The following ARHGAP42 variants were observed in gnomAD, a reference collection of about 807,000 sequenced individuals.
The protein encoded by ARHGAP42 is Rho GTPase activating protein 42.
In ARHGAP42, 63 loss-of-function variants were observed where a neutral mutation model predicts 125.0. That is an observed-to-expected ratio of 0.50 (90% CI 0.41 to 0.62). The LOEUF (loss-of-function observed/expected upper bound fraction) is 0.62. ARHGAP42 is among the 20% of genes least tolerant of loss of function. The pLI is 0.00. For missense variants in ARHGAP42, 766 were observed against 1,024.2 expected (o/e 0.75, Z 3.44); for synonymous variants, 339 against 351.0 (o/e 0.97, Z 0.38).
intron 2 of ARHGAP42, among the ~76,000 whole-genome samples, chr11:100,782,704 A>G (rs942167151): frequency 2.0e-5 from 3 of 152,154 alleles, no homozygotes; most frequent in African/African-American, 7.2e-5. Context: ...TTTCTTTGTC[A>G]AGGATAGAAT....
rs142021301 is a variant in ARHGAP42, at chr11:100,693,357, C to T, written c.154+5525C>T. ...AATGAGCAGAAGTAATTGCATCTTT[C>T]AGATGAGCTGTAATTAATTTTAGGA... On this transcript the variant is annotated intron_variant, in intron 1 of 23. Transcript: ENST00000298815. Among the ~76,000 whole-genome samples the T allele has an allele frequency of 1.6e-4, 25 of 152,236 alleles. 1 individual carries two copies. In the East Asian group the frequency reaches 4.8e-3, roughly 29 times the overall value.
At chr11:100,921,754 G>A (rs1341960831) in intron 6 of ARHGAP42, 150 bp downstream of exon 6, 2 of 568,032 alleles carry the variant, frequency 3.5e-6, no homozygotes, top group African/African-American at 1.9e-5. Flanking sequence ...GTGGAGCACA[G>A]GGAACTTGTA....
intron 5 of ARHGAP42, among the ~76,000 whole-genome samples, chr11:100,918,685 C>T (rs1450474926): frequency 3.3e-5 from 5 of 152,168 alleles, no homozygotes; most frequent in African/African-American, 1.2e-4. Context: ...ATATCTTGTA[C>T]TGTAAAGAAA....
At chr11:100,816,883 G>A (rs1181543282) in intron 3 of ARHGAP42, 3 of 152,184 alleles carry the variant, frequency 2.0e-5, no homozygotes, top group Admixed American at 2.0e-4. Flanking sequence ...AGGCAGCTTT[G>A]TGGGGTCTGC....
intron 2 of ARHGAP42, among the ~76,000 whole-genome samples, chr11:100,776,898 A>G (rs1317772204): frequency 6.6e-6 from 1 of 150,558 alleles, no homozygotes; most frequent in Non-Finnish European, 1.5e-5. Context: ...CAGGAGAACC[A>G]CTTGAACCCG....
intron 3 of ARHGAP42, among the ~76,000 whole-genome samples, chr11:100,853,918 A>G (rs1865263994): frequency 6.6e-6 from 1 of 151,928 alleles, no homozygotes; most frequent in African/African-American, 2.4e-5. Flanking sequence ...TTCATTGAAA[A>G]AAAAAAATCT....
intron 1 of ARHGAP42, among the ~76,000 whole-genome samples, chr11:100,753,896 G>T (rs886533777): frequency 1.3e-5 from 2 of 152,298 alleles, no homozygotes; most frequent in Non-Finnish European, 2.9e-5. Context: ...GCTGCAGCCT[G>T]CAGCTTCTTT....
chr11:100,779,012 C>T (rs1476649548), intron 2 of ARHGAP42, among the ~76,000 whole-genome samples: 1 of 152,006 alleles, frequency 6.6e-6, no homozygotes, highest in African/African-American at 2.4e-5. Context: ...ATTCCTATTC[C>T]TTCGTAGTAC....
intron 4 of ARHGAP42, among the ~76,000 whole-genome samples, chr11:100,891,038 A>T (rs961277081): frequency 3.3e-5 from 5 of 152,128 alleles, no homozygotes; most frequent in Admixed American, 2.6e-4. Flanking sequence ...CCTTATCCAC[A>T]TGTAATTCCT....
chr11:100,826,577 A>T (rs1365334434), intron 3 of ARHGAP42, among the ~76,000 whole-genome samples: 1 of 152,144 alleles, frequency 6.6e-6, no homozygotes, highest in African/African-American at 2.4e-5. Context: ...ATTTATCTAG[A>T]CCTTACCAGC....
rs1861103457 is a variant in ARHGAP42, at chr11:100,687,519, G to C, written c.-160G>C. The C allele has an allele frequency of 9.8e-6, 4 of 407,954 alleles. No homozygotes were observed. The East Asian group carries it at 3.1e-4, about 32-fold the overall frequency. The allele number at this position is 407,954 out of a possible 1,614,324, so 25.3% of individuals were successfully genotyped here. A position where few individuals can be genotyped will look rare whatever the true frequency, so the allele number is the denominator to read the frequency against. The stretch of plus-strand genomic sequence containing the variant: ...GAAGACTGAGCCCGGCGCAGGCGGC[G>C]CGGCGCTCGGGGCCCGTTTCCTCCG... On this transcript the variant is annotated 5_prime_UTR_variant, in exon 1 of 24. Coordinates refer to ENST00000298815, the MANE Select transcript of ARHGAP42 (RefSeq NM_152432.4).
chr11:100,868,110 ATAT>A (rs1865615346), intron 4 of ARHGAP42, among the ~76,000 whole-genome samples: 3 of 152,222 alleles, frequency 2.0e-5, no homozygotes, highest in Admixed American at 2.0e-4. Context: ...AAACTTTGAA[ATAT>A]TATGAGAGTT....
At chr11:100,750,883 G>T (rs574886432) in intron 1 of ARHGAP42, among the ~76,000 whole-genome samples, 1 of 151,770 alleles carries the variant, frequency 6.6e-6, no homozygotes, top group African/African-American at 2.4e-5. Flanking sequence ...CCTCCTACAG[G>T]TCTTGAACTG....
intron 17 of ARHGAP42, among the ~76,000 whole-genome samples, chr11:100,968,355 C>T (rs1189626414): frequency 1.3e-5 from 2 of 151,950 alleles, no homozygotes; most frequent in African/African-American, 2.4e-5. Context: ...CTATATGTTT[C>T]ATGTTGTCTT....
intron 1 of ARHGAP42, among the ~76,000 whole-genome samples, chr11:100,721,057 G>A (rs533338946): frequency 6.6e-6 from 1 of 151,694 alleles, no homozygotes; most frequent in Admixed American, 6.6e-5. Flanking sequence ...TTAACATCTC[G>A]CATTAGTGTG....
At chr11:100,799,183 T>A (rs1016783237) in intron 3 of ARHGAP42, among the ~76,000 whole-genome samples, 8 of 152,204 alleles carry the variant, frequency 5.3e-5, no homozygotes, top group African/African-American at 1.7e-4. Context: ...ATTCAGGTGA[T>A]ATTACTTTGG....
intron 22 of ARHGAP42, among the ~76,000 whole-genome samples, chr11:100,985,360 T>G (rs1265326404): frequency 6.6e-6 from 1 of 152,224 alleles, no homozygotes; most frequent in Non-Finnish European, 1.5e-5. Flanking sequence ...TGTGATTTTT[T>G]GGAAAAATAT....
intron 4 of ARHGAP42, among the ~76,000 whole-genome samples, chr11:100,860,504 G>A (rs1348170563): frequency 1.3e-5 from 2 of 151,968 alleles, no homozygotes; most frequent in Non-Finnish European, 2.9e-5. Flanking sequence ...CCACAACTTG[G>A]AATTTTGAAC....
At chr11:100,801,433 C>T (rs1863849347) in intron 3 of ARHGAP42, among the ~76,000 whole-genome samples, 1 of 152,096 alleles carries the variant, frequency 6.6e-6, no homozygotes, top group Non-Finnish European at 1.5e-5. Flanking sequence ...GATGCAGTTG[C>T]TCATACCTGT....
Sources: gnomAD v4.1 joint callset for allele counts (sites outside exome capture counted in the v4.1 genomes callset) on GRCh38, gnomAD v4.1.1 for gene constraint, MANE v1.5 for transcripts, NCBI Gene and HGNC (gene_info 2026-07-23, HGNC 2026-07-21) for gene names.